Variants in PTPA observed in about 807,000 individuals in gnomAD.
PTPA encodes the protein protein phosphatase 2 phosphatase activator.
Under a neutral mutation model 43.6 loss-of-function variants are expected in PTPA, and 13 were observed. The ratio of observed to expected loss-of-function variants is 0.30; its 90% CI spans 0.19 to 0.47. The LOEUF is 0.47. Among genes scored for constraint, PTPA ranks in the 20% least tolerant of loss-of-function variants. The pLI is 0.99. For synonymous variants in PTPA, 172 were observed against 158.2 expected (o/e 1.09, Z -0.66); for missense variants, 329 against 411.9 (o/e 0.80, Z 1.74).
chr9:129,129,509 G>A (rs1176115252), intron 4 of PTPA, among the ~76,000 whole-genome samples: 1 of 149,228 alleles, frequency 6.7e-6, no homozygotes, highest in South Asian at 2.1e-4. Context: ...TCGCTGTGTT[G>A]CCCAGGCTGG....
At chr9:129,144,273 G>C (rs1320347998) in intron 9 of PTPA, among the ~76,000 whole-genome samples, 1 of 151,970 alleles carries the variant, frequency 6.6e-6, no homozygotes, top group East Asian at 1.9e-4. Context: ...CTCCGTGGGG[G>C]CTGAGCACAG....
chr9:129,126,496 A>G lies in PTPA; in HGVS notation c.217-2489A>G, dbSNP rs146199378. Reference sequence around the variant, plus strand: ...TGCCTGGCCAGCTAGCTCTTATTTTAAATGATGCCTGTCCTCCTCTTATGG... The same window carrying G: ...TGCCTGGCCAGCTAGCTCTTATTTTGAATGATGCCTGTCCTCCTCTTATGG... On this transcript the variant is annotated intron_variant, in intron 3 of 9. Transcript: ENST00000393370. Among the ~76,000 whole-genome samples, 69 of 152,220 alleles carry G rather than the reference A, an allele frequency of 4.5e-4. No homozygotes were observed. The East Asian group carries it at 0.013, about 29-fold the overall frequency.
Position 129,136,493 on chromosome 9 carries a change from C to T in PTPA, c.583C>T (p.Leu195Phe), listed in dbSNP as rs771401589. 6.2e-7 allele frequency: 1 copy of T among 1,613,792 alleles called. No individual in the cohort carries two copies. Among genetic ancestry groups the T allele is most frequent in the South Asian group, 1.1e-5 (1 of 91,034 alleles). ...CAGGTACCTTGAGGTTATGCGGAAA[C>T]TCCAGAAAACATACAGGATGGAGCC... ...FNRYLEVMRK[L>F]QKTYRMEPAG... is the part of the protein sequence containing the mutation. The change falls in exon 7 of 10, where the codon CTC becomes TTC. Residue 195 changes from leucine to phenylalanine, a missense_variant. Coordinates refer to ENST00000393370, the MANE Select transcript of PTPA (RefSeq NM_178000.3).
At position 129,137,549 on chromosome 9, in the gene PTPA, G is replaced by A. The variant is rs76263259; in HGVS notation, c.686-43G>A. On this transcript the variant is annotated intron_variant, in intron 7 of 9. Coordinates refer to ENST00000393370, the MANE Select transcript of PTPA (RefSeq NM_178000.3). Reference sequence around the variant, plus strand: ...GCTGGGCCGGGTTGCCCAGGTAGTCGTGGGGCCTGGTTCTGAATGCTGGGG... The same window carrying A: ...GCTGGGCCGGGTTGCCCAGGTAGTCATGGGGCCTGGTTCTGAATGCTGGGG... The A allele has an allele frequency of 2.2e-3, 3,340 of 1,517,854 alleles. 7 individuals carry two copies. Among genetic ancestry groups the A allele is most frequent in the Non-Finnish European group, 2.4e-3 (2,639 of 1,108,758 alleles). 94.0% of individuals were successfully genotyped at this position (1,517,854 alleles called of 1,614,324 possible).
intron 5 of PTPA, among the ~76,000 whole-genome samples, chr9:129,133,032 G>A (rs1850087660): frequency 6.6e-6 from 1 of 152,074 alleles, no homozygotes; most frequent in Non-Finnish European, 1.5e-5. Context: ...AATATAGAAG[G>A]GAGGCATTCT....
In PTPA at chr9:129,131,727, G is replaced by A. The variant is rs17508826; in HGVS notation, c.460+88G>A. ...GGTGGTCTCTGGGCCCTCTGAGCAA[G>A]TGAGAGCAATCAAGAATTCGCCAAG... On this transcript the variant is annotated intron_variant, in intron 5 of 9. Coordinates refer to ENST00000393370, the MANE Select transcript of PTPA (RefSeq NM_178000.3). The A allele has an allele frequency of 4.2e-4, 543 of 1,297,636 alleles. 1 individual carries two copies. The African/African-American group carries it at 7.5e-3, about 18-fold the overall frequency. The allele number at this position is 1,297,636 out of a possible 1,614,324, so 80.4% of individuals were successfully genotyped here.
chr9:129,133,497 AGACAG>A (rs1416753590), intron 5 of PTPA, among the ~76,000 whole-genome samples: 1 of 152,212 alleles, frequency 6.6e-6, no homozygotes, highest in Non-Finnish European at 1.5e-5. Flanking sequence ...CGTCCTCCAG[AGACAG>A]GACAGAAGTA....
At chr9:129,146,500 A>C (rs1192197534) in intron 9 of PTPA, among the ~76,000 whole-genome samples, 1 of 152,116 alleles carries the variant, frequency 6.6e-6, no homozygotes, top group Non-Finnish European at 1.5e-5. Flanking sequence ...CTGAGGCCAT[A>C]AGTCTTGTTC....
chr9:129,111,803 G>C, intron 1 of PTPA, 172 bp downstream of exon 1: 5 of 1,230,976 alleles, frequency 4.1e-6, no homozygotes, highest in Non-Finnish European at 4.1e-6. Context: ...TGGGTGGTGG[G>C]GCGCCGCTGG....
upstream of PTPA, chr9:129,111,397 G>C (rs892192831): frequency 5.7e-6 from 7 of 1,227,602 alleles, no homozygotes; most frequent in Non-Finnish European, 7.2e-6. Flanking sequence ...TAATAGGCTT[G>C]CTCCCTGAGC....
intron 6 of PTPA, among the ~76,000 whole-genome samples, chr9:129,135,637 A>G (rs768952001): frequency 6.6e-6 from 1 of 152,188 alleles, no homozygotes; most frequent in African/African-American, 2.4e-5. Context: ...ACACCACCCA[A>G]GCCAGTCGCT....
intron 9 of PTPA, chr9:129,143,718 T>G: frequency 2.7e-6 from 1 of 366,060 alleles, no homozygotes; most frequent in Non-Finnish European, 5.2e-6. Flanking sequence ...CCAGCCCACA[T>G]ACCTCTCTAA....
At chr9:129,139,220 C>G (rs1385017189) in intron 8 of PTPA, among the ~76,000 whole-genome samples, 1 of 152,142 alleles carries the variant, frequency 6.6e-6, no homozygotes, top group Non-Finnish European at 1.5e-5. Context: ...AAAATTTTGT[C>G]TTTAGTTGGT....
At position 129,148,590 on chromosome 9, in the gene PTPA, T is replaced by C. The variant is rs1402757132; in HGVS notation, c.*1126T>C. On this transcript the variant is annotated 3_prime_UTR_variant, in exon 10 of 10. Coordinates refer to ENST00000393370, the MANE Select transcript of PTPA (RefSeq NM_178000.3). ...GCCCAGTGGGGGCTGGGCAGGCCCA[T>C]TGAGGGCCACCGCCGAGGTTTCTCC... The C allele has an allele frequency of 6.6e-6, 1 of 152,632 alleles. No homozygotes were observed. The highest frequency in any genetic ancestry group is 2.4e-5 in the African/African-American group (1 of 41,444). The allele number at this position is 152,632 out of a possible 1,614,324, so 9.5% of individuals were successfully genotyped here. A position where few individuals can be genotyped will look rare whatever the true frequency, so the allele number is the denominator to read the frequency against.
chr9:129,146,312 C>T (rs577424725), intron 9 of PTPA, among the ~76,000 whole-genome samples: 42 of 152,330 alleles, frequency 2.8e-4, no homozygotes, highest in African/African-American at 9.9e-4. Context: ...TGGTTTCCAT[C>T]CTTCTTTCCC....
chr9:129,124,020 A>G (rs1241683472), intron 3 of PTPA, among the ~76,000 whole-genome samples: 1 of 152,124 alleles, frequency 6.6e-6, no homozygotes, highest in Admixed American at 6.5e-5. Flanking sequence ...AACAGATTAC[A>G]AAACAGTAAA....
chr9:129,146,687 G>A (rs1469189881), intron 9 of PTPA, among the ~76,000 whole-genome samples: 1 of 152,226 alleles, frequency 6.6e-6, no homozygotes. Context: ...GCTGGAAGCT[G>A]GGGTTGGCTG....
chr9:129,115,475 A>G (rs1186097205), intron 1 of PTPA, among the ~76,000 whole-genome samples: 3 of 152,148 alleles, frequency 2.0e-5, no homozygotes, highest in Non-Finnish European at 2.9e-5. Flanking sequence ...GACAGGCTCT[A>G]TTTCTCCAAA....
upstream of PTPA, chr9:129,111,300 T>C: frequency 4.4e-6 from 5 of 1,129,074 alleles, no homozygotes; most frequent in South Asian, 3.6e-5. Context: ...TCCTAGCGCT[T>C]GGCGGCCGTT....
Sources: allele counts gnomAD v4.1 joint callset (sites outside exome capture counted in the v4.1 genomes callset), GRCh38; gene constraint gnomAD v4.1.1; transcripts MANE v1.5; gene names NCBI Gene and HGNC (gene_info 2026-07-23, HGNC 2026-07-21).